YAP1: variants seen among roughly 807,000 people sequenced by gnomAD.
YAP1 encodes transcriptional coactivator YAP1.
Under a neutral mutation model 56.9 loss-of-function variants are expected in YAP1, and 5 were observed. The ratio of observed to expected loss-of-function variants is 0.09; its 90% CI spans 0.05 to 0.18. The LOEUF is 0.18. Among genes scored for constraint, YAP1 ranks in the 10% least tolerant of loss-of-function variants. The pLI is 1.00. For synonymous variants in YAP1, 265 were observed against 248.1 expected, an observed-to-expected ratio of 1.07 and a Z score of -0.64; for missense variants, 539 against 651.8, an observed-to-expected ratio of 0.83 and a Z score of 1.88.
At position 102,230,563 on chromosome 11, in the gene YAP1, C is replaced by A. The variant is rs530052726; in HGVS notation, c.*623C>A. The A allele has an allele frequency of 2.0e-5, 3 of 152,560 alleles. No homozygotes were observed. The highest frequency in any genetic ancestry group is 2.9e-5 in the Non-Finnish European group (2 of 68,044). 9.5% of individuals were successfully genotyped at this position (152,560 alleles called of 1,614,324 possible). On this transcript the variant is annotated 3_prime_UTR_variant, in exon 9 of 9. Transcript: ENST00000282441. ...TTTTAGGAGCTTATAAGGCATGAGA[C>A]AATTTCCATATAAATATATTAATTA...
Position 102,110,841 on chromosome 11 carries a change from C to T in YAP1, c.-8C>T, listed in dbSNP as rs1450408756. On this transcript the variant is annotated 5_prime_UTR_variant, in exon 1 of 9. Transcript: ENST00000282441. ...GTCAGGGGGTGCGCGTCGGGGGAGGCAGAAGCCATGGATCCCGGGCAGCAG... is the reference window on the plus strand; with the variant it reads ...GTCAGGGGGTGCGCGTCGGGGGAGGTAGAAGCCATGGATCCCGGGCAGCAG... 55 of 1,399,798 alleles carry T rather than the reference C, an allele frequency of 3.9e-5. No individual in the cohort carries two copies. Among genetic ancestry groups the T allele is most frequent in the Non-Finnish European group, 4.9e-5 (53 of 1,076,624 alleles). 86.7% of individuals were successfully genotyped at this position (1,399,798 alleles called of 1,614,324 possible). A position where few individuals can be genotyped will look rare whatever the true frequency, so the allele number is the denominator to read the frequency against.
At chr11:102,135,931 A>G (rs772530665) in intron 2 of YAP1, among the ~76,000 whole-genome samples, 2 of 152,174 alleles carry the variant, frequency 1.3e-5, no homozygotes, top group Non-Finnish European at 2.9e-5. Context: ...TCTATTGTAT[A>G]GCTAGACCAC....
At chr11:102,215,726 G>GC (rs1249816507) in intron 6 of YAP1, among the ~76,000 whole-genome samples, 4 of 152,144 alleles carry the variant, frequency 2.6e-5, no homozygotes, top group Non-Finnish European at 5.9e-5. Context: ...TGATCCACCT[G>GC]CCTTGGCCTC....
chr11:102,229,781 T>C lies in YAP1; in HGVS notation c.1356T>C (p.Asn452=), dbSNP rs748108112. 29 of 1,614,130 alleles carry C rather than the reference T, an allele frequency of 1.8e-5. No individual in the cohort carries two copies. Among genetic ancestry groups the C allele is most frequent in the Non-Finnish European group, 2.4e-5 (28 of 1,179,996 alleles). Residue 452 remains asparagine (N), a synonymous_variant, in exon 9 of 9, where the codon AAT becomes AAC. Coordinates refer to ENST00000282441, the MANE Select transcript of YAP1 (RefSeq NM_001130145.3). ...ACCTTGAAGCCATTCCTGGGACAAA[T>C]GTGGACCTTGGAACACTGGAAGGAG... ...PDYLEAIPGT[N]VDLGTLEGDG...
At chr11:102,111,290 G>A (rs1942885423) in intron 1 of YAP1, 121 bp downstream of exon 1, 2 of 1,228,066 alleles carry the variant, frequency 1.6e-6, no homozygotes, top group African/African-American at 1.7e-5. Flanking sequence ...TCTAGCTGGG[G>A]TGGGGGTCCC....
At chr11:102,212,292 A>C (rs1301777429) in intron 6 of YAP1, among the ~76,000 whole-genome samples, 1 of 152,216 alleles carries the variant, frequency 6.6e-6, no homozygotes, top group Non-Finnish European at 1.5e-5. Context: ...CTTATGAATT[A>C]CTACAGAAGC....
chr11:102,162,521 C>T lies in YAP1; in HGVS notation c.638C>T (p.Thr213Ile). The part of the protein sequence containing the change: ...RKAMLSQMNV[T>I]APTSPPVQQN... ...GCCATGCTGTCCCAGATGAACGTCA[C>T]AGCCCCCACCAGTCCACCAGTGCAG... Residue 213 changes from threonine (T) to isoleucine (I), a missense_variant, in exon 3 of 9, where the codon ACA becomes ATA. This residue lies in a region of YAP1 where 414 missense variants were observed against 512.4 expected (regional missense o/e 0.81). Coordinates refer to ENST00000282441, the MANE Select transcript of YAP1 (RefSeq NM_001130145.3). The T allele has an allele frequency of 6.2e-7, 1 of 1,614,226 alleles. No individual in the cohort carries two copies. Among genetic ancestry groups the T allele is most frequent in the Non-Finnish European group, 8.5e-7 (1 of 1,180,044 alleles).
intron 3 of YAP1, among the ~76,000 whole-genome samples, chr11:102,181,562 A>G (rs755378667): frequency 1.6e-4 from 25 of 152,216 alleles, no homozygotes; most frequent in African/African-American, 3.9e-4. Context: ...ACAAATGTGA[A>G]ATGAATTTTG....
intron 7 of YAP1, among the ~76,000 whole-genome samples, chr11:102,224,407 TTTAAGA>T (rs1455810586): frequency 6.6e-6 from 1 of 152,250 alleles, no homozygotes; most frequent in Non-Finnish European, 1.5e-5. Context: ...TAGGAAGTCA[TTTAAGA>T]TTAAGATTTA....
Position 102,230,163 on chromosome 11 carries a change from A to G in YAP1, c.*223A>G, listed in dbSNP as rs939486304. 9.1e-6 allele frequency: 4 copies of G among 437,364 alleles called. No homozygotes were observed. The highest frequency in any genetic ancestry group is 8.0e-5 in the African/African-American group (4 of 50,274). The allele number at this position is 437,364 out of a possible 1,614,324, so 27.1% of individuals were successfully genotyped here. A position where few individuals can be genotyped will look rare whatever the true frequency, so the allele number is the denominator to read the frequency against. On this transcript the variant is annotated 3_prime_UTR_variant, in exon 9 of 9. Transcript: ENST00000282441. ...TGGCTCTAAAGAATCAAAAGAAAAA[A>G]ACTTTTTATTTCTTTTGCTATTAAA...
At chr11:102,202,574 A>G (rs1948927054) in intron 4 of YAP1, among the ~76,000 whole-genome samples, 1 of 152,042 alleles carries the variant, frequency 6.6e-6, no homozygotes, top group Non-Finnish European at 1.5e-5. Context: ...GAATGAATCA[A>G]ACATTTATTC....
chr11:102,230,113 A>ATGT lies in YAP1; in HGVS notation c.*174_*176dup. ...TCTTCCTTGTCCATTGCTGCTGTTA[A>ATGT]TGTATTGCTGACCTCTTTCACAGTT... On this transcript the variant is annotated 3_prime_UTR_variant, in exon 9 of 9. Transcript: ENST00000282441. The ATGT allele has an allele frequency of 1.7e-6, 1 of 600,032 alleles. No individual in the cohort carries two copies. Among genetic ancestry groups the ATGT allele is most frequent in the Non-Finnish European group, 2.9e-6 (1 of 341,202 alleles). 37.2% of individuals were successfully genotyped at this position (600,032 alleles called of 1,614,324 possible).
rs192319627 is a variant in YAP1 at position 102,164,099 on chromosome 11, A to G, written c.688+1528A>G. ...GTCACCCAGGCTGGAGTGCAATGGC[A>G]TGGTCTCAGCTCACTGCAACCTCTG... is the stretch of plus-strand genomic sequence containing the variant. On this transcript the variant is annotated intron_variant, in intron 3 of 8. Transcript: ENST00000282441. Among the ~76,000 whole-genome samples the G allele has an allele frequency of 1.9e-3, 280 of 150,026 alleles. 2 individuals carry two copies. The highest frequency in any genetic ancestry group is 6.6e-3 in the African/African-American group (270 of 40,692).
At chr11:102,203,218 G>A (rs1444448996) in intron 4 of YAP1, among the ~76,000 whole-genome samples, 1 of 152,118 alleles carries the variant, frequency 6.6e-6, no homozygotes, top group South Asian at 2.1e-4. Context: ...AACGCTGCTA[G>A]GTGCTCTTCC....
Position 102,126,446 on chromosome 11 carries a change from A to G in YAP1, c.572+12052A>G, listed in dbSNP as rs184675789. On this transcript the variant is annotated intron_variant, in intron 2 of 8. Coordinates refer to ENST00000282441, the MANE Select transcript of YAP1 (RefSeq NM_001130145.3). Reference sequence around the variant, plus strand: ...TTCCCGTGCTATTCTCGTGATAGTGAATAAGTCTCATGAGATCTAATGGGT... The same window carrying G: ...TTCCCGTGCTATTCTCGTGATAGTGGATAAGTCTCATGAGATCTAATGGGT... 5.9e-5 allele frequency among the ~76,000 whole-genome samples: 9 copies of G among 152,260 alleles called. 1 individual carries two copies. In the South Asian group the frequency reaches 1.9e-3, roughly 32 times the overall value.
chr11:102,185,962 T>C (rs1315782614), intron 3 of YAP1, 56 bp from the exon 4 acceptor site: 5 of 1,499,836 alleles, frequency 3.3e-6, no homozygotes, highest in Middle Eastern at 2.4e-4. Flanking sequence ...CCTCCCACTT[T>C]TTTTTAGGTG....
chr11:102,205,494 G>A (rs1949071398), intron 4 of YAP1, among the ~76,000 whole-genome samples: 1 of 152,134 alleles, frequency 6.6e-6, no homozygotes, highest in South Asian at 2.1e-4. Flanking sequence ...CATCTCTGGA[G>A]CCAAAAGATG....
At chr11:102,129,795 CTTTTTTTT>C (rs773044206) in intron 2 of YAP1, among the ~76,000 whole-genome samples, 1 of 102,088 alleles carries the variant, frequency 9.8e-6, no homozygotes, top group South Asian at 3.3e-4. Flanking sequence ...GGAAGCAAAA[CTTTTTTTT>C]TTTTTTTTTT....
Position 102,223,751 on chromosome 11 carries a change from AG to A in YAP1, c.1163+1del. Reference sequence around the variant, plus strand: ...CAATAGCTCAGATCCTTTCCTTAACAGGTTGGTGAAAGTTGCTACTGGTGAA... The same window carrying A: ...CAATAGCTCAGATCCTTTCCTTAACAGTTGGTGAAAGTTGCTACTGGTGAA... ...TTNSSDPFLN[S>X]GTYHSRDEST... is the part of the protein sequence containing the mutation. On this transcript the variant is annotated frameshift_variant and splice_region_variant, in exon 7 of 9. Coordinates refer to ENST00000282441, the MANE Select transcript of YAP1 (RefSeq NM_001130145.3). LOFTEE classifies it high-confidence loss of function. 6.2e-7 allele frequency: 1 copy of A among 1,613,744 alleles called. No individual in the cohort carries two copies. The highest frequency in any genetic ancestry group is 1.1e-5 in the South Asian group (1 of 90,960).
Sources: allele counts gnomAD v4.1 joint callset (sites outside exome capture counted in the v4.1 genomes callset), GRCh38; gene constraint gnomAD v4.1.1; regional missense constraint gnomAD v4.1.1; transcripts MANE v1.5; gene names NCBI Gene and HGNC (gene_info 2026-07-23, HGNC 2026-07-21).